SF3B3: variants seen among roughly 807,000 people sequenced by gnomAD.
The protein encoded by SF3B3 is splicing factor 3b subunit 3.
In SF3B3, 33 loss-of-function variants were observed where a neutral mutation model predicts 139.2. The observed-to-expected ratio is 0.24, with a 90% CI of 0.18 to 0.32. The LOEUF is 0.32. Among genes scored for constraint, SF3B3 ranks in the 10% least tolerant of loss-of-function variants. The probability of loss-of-function intolerance (pLI) is 1.00; values close to 1 mark genes in which losing one functional copy is unlikely to be tolerated. For missense variants in SF3B3, 818 were observed against 1,509.4 expected, an observed-to-expected ratio of 0.54 and a Z score of 7.59; for synonymous variants, 596 against 563.6, an observed-to-expected ratio of 1.06 and a Z score of -0.81.
At chr16:70,548,471 T>C in intron 11 of SF3B3, 29 bp downstream of exon 11, 3 of 1,596,386 alleles carry the variant, frequency 1.9e-6, no homozygotes, top group African/African-American at 2.7e-5. Flanking sequence ...ATAGTCAAAA[T>C]GAGGATCTAG....
intron 10 of SF3B3, 32 bp downstream of exon 10, chr16:70,544,565 G>A (rs771684416): frequency 2.4e-6 from 3 of 1,255,684 alleles, no homozygotes; most frequent in Non-Finnish European, 3.5e-6. Context: ...AATCTGCAGG[G>A]TTTGGAGGGA....
chr16:70,547,263 T>C (rs2050277760), intron 10 of SF3B3, among the ~76,000 whole-genome samples: 2 of 152,240 alleles, frequency 1.3e-5, no homozygotes, highest in Admixed American at 6.5e-5. Flanking sequence ...TTTCTGTGAA[T>C]ATACATGAAT....
chr16:70,571,653 C>G lies in SF3B3; in HGVS notation c.3514-20C>G. On this transcript the variant is annotated intron_variant, in intron 25 of 25. Coordinates refer to ENST00000302516, the MANE Select transcript of SF3B3 (RefSeq NM_012426.5). Reference sequence around the variant, plus strand: ...GGGCATCTCACCATTTTTTTTCTTTCTGCTTTCTCCATATCTTAGAATGTG... The same window carrying G: ...GGGCATCTCACCATTTTTTTTCTTTGTGCTTTCTCCATATCTTAGAATGTG... The G allele has an allele frequency of 6.3e-7, 1 of 1,587,370 alleles. No individual in the cohort carries two copies. Among genetic ancestry groups the G allele is most frequent in the African/African-American group, 1.4e-5 (1 of 73,230 alleles).
At chr16:70,540,277 T>G (rs2050207262) in intron 8 of SF3B3, among the ~76,000 whole-genome samples, 1 of 151,504 alleles carries the variant, frequency 6.6e-6, no homozygotes, top group African/African-American at 2.4e-5. Flanking sequence ...GCCAAGCTGG[T>G]CTCAAACTCC....
chr16:70,537,428 C>T (rs1359354189), intron 6 of SF3B3, among the ~76,000 whole-genome samples: 2 of 152,232 alleles, frequency 1.3e-5, no homozygotes, highest in South Asian at 2.1e-4. Context: ...TCTTCCCCGG[C>T]GTCTTTTCAC....
At chr16:70,534,252 C>A (rs1359555158) in intron 5 of SF3B3, among the ~76,000 whole-genome samples, 4 of 152,000 alleles carry the variant, frequency 2.6e-5, no homozygotes, top group Non-Finnish European at 5.9e-5. Context: ...AGCCTAAATA[C>A]AAGAAATAAC....
Position 70,528,616 on chromosome 16 carries a change from C to T in SF3B3, c.71-257C>T, listed in dbSNP as rs149536068. On this transcript the variant is annotated intron_variant, in intron 2 of 25. Coordinates refer to ENST00000302516, the MANE Select transcript of SF3B3 (RefSeq NM_012426.5). The stretch of plus-strand genomic sequence containing the variant: ...CTGGGACTAGAGGCACAGGCCATCA[C>T]ACCTGACTAATTTTTTTTTGAGACG... Among the ~76,000 whole-genome samples the T allele has an allele frequency of 1.4e-4, 21 of 152,030 alleles. 1 individual carries two copies. The East Asian group carries it at 3.7e-3, about 27-fold the overall frequency.
chr16:70,569,529 C>T (rs966459763), intron 23 of SF3B3, among the ~76,000 whole-genome samples: 6 of 152,094 alleles, frequency 3.9e-5, no homozygotes, highest in South Asian at 2.1e-4. Flanking sequence ...TGATTCTTAT[C>T]GTAAGAAATG....
At chr16:70,559,308 T>C (rs781100399) in intron 15 of SF3B3, among the ~76,000 whole-genome samples, 6 of 152,190 alleles carry the variant, frequency 3.9e-5, no homozygotes, top group Non-Finnish European at 7.4e-5. Context: ...TTTTTTCCCA[T>C]TGTTCACCTG....
chr16:70,550,629 G>A, intron 11 of SF3B3: 2 of 985,578 alleles, frequency 2.0e-6, no homozygotes, highest in African/African-American at 1.7e-5. Context: ...CCAATACCAA[G>A]CCTTTTTTTC....
At chr16:70,545,294 T>C (rs1187313643) in intron 10 of SF3B3, among the ~76,000 whole-genome samples, 1 of 152,220 alleles carries the variant, frequency 6.6e-6, no homozygotes, top group African/African-American at 2.4e-5. Context: ...CTTGACCTCC[T>C]GGGGTCAAGC....
intron 16 of SF3B3, 146 bp downstream of exon 16, chr16:70,560,737 T>C: frequency 1.2e-6 from 1 of 852,860 alleles, no homozygotes; most frequent in Non-Finnish European, 1.8e-6. Flanking sequence ...TGAGTTTTCC[T>C]AACCTAGAGC....
chr16:70,561,623 C>T lies in SF3B3; in HGVS notation c.2134-7C>T. 2.5e-6 allele frequency: 4 copies of T among 1,599,548 alleles called. No individual in the cohort carries two copies. Among genetic ancestry groups the T allele is most frequent in the Admixed American group, 3.6e-5 (2 of 56,100 alleles). On this transcript the variant is annotated splice_region_variant and splice_polypyrimidine_tract_variant and intron_variant, in intron 16 of 25. Transcript: ENST00000302516. Reference sequence around the variant, plus strand: ...TTATTGGAGCTGGGTTTTTTTTTTCCCCTCAGGTATTGGCCATGTCAAGCC... The same window carrying T: ...TTATTGGAGCTGGGTTTTTTTTTTCTCCTCAGGTATTGGCCATGTCAAGCC...
intron 9 of SF3B3, among the ~76,000 whole-genome samples, chr16:70,543,957 G>A (rs372766373): frequency 2.0e-5 from 3 of 151,872 alleles, no homozygotes; most frequent in South Asian, 2.1e-4. Flanking sequence ...GGGCTGAAGC[G>A]ATTTTCCCAC....
At position 70,573,267 on chromosome 16, in the gene SF3B3, C is replaced by A. The variant is rs889973467; in HGVS notation, c.*1454C>A. On this transcript the variant is annotated 3_prime_UTR_variant, in exon 26 of 26. Coordinates refer to ENST00000302516, the MANE Select transcript of SF3B3 (RefSeq NM_012426.5). ...GTAGTTCTGAATTAGATTTTGAAAA[C>A]CTAATTTCAGGGCTCATTTTTTCCT... 1.4e-4 allele frequency: 22 copies of A among 152,124 alleles called. No homozygotes were observed. Among genetic ancestry groups the A allele is most frequent in the Admixed American group, 1.3e-4 (2 of 15,280 alleles). 9.4% of individuals were successfully genotyped at this position (152,124 alleles called of 1,614,324 possible).
rs1157864443 is a variant in SF3B3 at position 70,576,419 on chromosome 16, C to G, written c.*4606C>G. The G allele has an allele frequency of 6.6e-6, 1 of 151,744 alleles. No individual in the cohort carries two copies. Among genetic ancestry groups the G allele is most frequent in the African/African-American group, 2.4e-5 (1 of 41,282 alleles). The allele number at this position is 151,744 out of a possible 1,614,324, so 9.4% of individuals were successfully genotyped here. ...CTAGTCAAGTTTTAAATTCCCAGGT[C>G]CACTCAGCAGAACTTGCTCCCTTCT... On this transcript the variant is annotated 3_prime_UTR_variant, in exon 26 of 26. Coordinates refer to ENST00000302516, the MANE Select transcript of SF3B3 (RefSeq NM_012426.5).
intron 2 of SF3B3, among the ~76,000 whole-genome samples, chr16:70,527,726 C>T (rs1212234295): frequency 6.6e-6 from 1 of 152,036 alleles, no homozygotes; most frequent in Non-Finnish European, 1.5e-5. Context: ...TTTGAAAGCA[C>T]GTTTTTGTTT....
At chr16:70,548,317 G>A in intron 10 of SF3B3, 53 bp from the exon 11 acceptor site, 2 of 1,409,572 alleles carry the variant, frequency 1.4e-6, no homozygotes, top group Admixed American at 3.3e-5. Context: ...ATTGTAAGCA[G>A]GTAGCTGAGT....
chr16:70,542,306 C>T (rs565534022), intron 9 of SF3B3, among the ~76,000 whole-genome samples: 19 of 152,364 alleles, frequency 1.2e-4, no homozygotes, highest in African/African-American at 3.8e-4. Context: ...TAACAGTCTA[C>T]ATATAGCTGT....
Sources: gnomAD v4.1 joint callset for allele counts (sites outside exome capture counted in the v4.1 genomes callset) on GRCh38, gnomAD v4.1.1 for gene constraint, MANE v1.5 for transcripts, NCBI Gene and HGNC (gene_info 2026-07-23, HGNC 2026-07-21) for gene names.